The following SERPINA12 variants were observed in gnomAD, a reference collection of about 807,000 sequenced individuals.
SERPINA12 encodes the protein serpin family A member 12.
Under a neutral mutation model 25.9 loss-of-function variants are expected in SERPINA12, and 21 were observed. The observed-to-expected ratio is 0.81, with a 90% CI of 0.58 to 1.17. The LOEUF is 1.17. Ranked by LOEUF, SERPINA12 falls within the 50% of genes most tolerant of loss-of-function variation. SERPINA12 has a pLI of 0.00. For missense variants in SERPINA12, 562 were observed against 508.3 expected, an observed-to-expected ratio of 1.11 and a Z score of -1.02; for synonymous variants, 220 against 196.0, an observed-to-expected ratio of 1.12 and a Z score of -1.02.
chr14:94,500,197 G>A (rs1900655555), intron 1 of SERPINA12, among the ~76,000 whole-genome samples: 1 of 152,206 alleles, frequency 6.6e-6, no homozygotes, highest in African/African-American at 2.4e-5. Flanking sequence ...TCTTCAAGGA[G>A]TTTGTAGTAT....
At chr14:94,493,134 C>T (rs1159114610) in intron 3 of SERPINA12, among the ~76,000 whole-genome samples, 2 of 152,224 alleles carry the variant, frequency 1.3e-5, no homozygotes, top group Admixed American at 6.5e-5. Flanking sequence ...TCCACCTCTG[C>T]TCTCCCATAG....
intron 1 of SERPINA12, among the ~76,000 whole-genome samples, chr14:94,501,496 C>A (rs1286939030): frequency 6.6e-6 from 1 of 152,214 alleles, no homozygotes; most frequent in Non-Finnish European, 1.5e-5. Context: ...AATTCCAGGT[C>A]TGGATAGCGG....
chr14:94,497,625 A>G (rs1467002919), intron 2 of SERPINA12, 139 bp downstream of exon 2: 1 of 730,264 alleles, frequency 1.4e-6, no homozygotes. Flanking sequence ...ACCATTTTAC[A>G]GATAGGAAAA....
Position 94,494,919 on chromosome 14 carries a change from C to T in SERPINA12, c.905+1454G>A, listed in dbSNP as rs74077727. 1.8e-3 allele frequency among the ~76,000 whole-genome samples: 276 copies of T among 152,232 alleles called. 1 individual carries two copies. The highest frequency in any genetic ancestry group is 6.0e-3 in the African/African-American group (250 of 41,534). ...AGTGGCCAGACTCTGCCAACCCTTC[C>T]ACCTCCCTGGTTCCCAGTGGGAAGG... On this transcript the variant is annotated intron_variant, in intron 3 of 4. Transcript: ENST00000677451.
chr14:94,517,712 G>T (rs17825899), exon 1 of SERPINA12: 15,508 of 152,326 alleles, frequency 0.1, 995 homozygotes, highest in Middle Eastern at 0.21. Flanking sequence ...CTGGAGTAGA[G>T]CCTGCTCGGT....
At chr14:94,505,645 G>A (rs758094507) in intron 1 of SERPINA12, among the ~76,000 whole-genome samples, 12 of 152,184 alleles carry the variant, frequency 7.9e-5, no homozygotes, top group Non-Finnish European at 1.5e-4. Context: ...CTGTACATCT[G>A]GTTTGGGAGG....
chr14:94,500,910 G>GA, intron 1 of SERPINA12: 1 of 984,826 alleles, frequency 1.0e-6, no homozygotes, highest in Non-Finnish European at 1.2e-6. Context: ...CTACTAAGTA[G>GA]GCAGGAGTTC....
intron 1 of SERPINA12, among the ~76,000 whole-genome samples, chr14:94,500,252 A>G (rs1024335093): frequency 7.2e-5 from 11 of 152,202 alleles, no homozygotes; most frequent in African/African-American, 2.7e-4. Context: ...CTCCTTCAGC[A>G]TCCATTCTCC....
intron 1 of SERPINA12, among the ~76,000 whole-genome samples, chr14:94,501,895 G>A (rs1164708985): frequency 6.6e-6 from 1 of 152,082 alleles, no homozygotes; most frequent in Non-Finnish European, 1.5e-5. Flanking sequence ...TTGTCAGTTG[G>A]GTTAGATGCC....
intron 3 of SERPINA12, among the ~76,000 whole-genome samples, chr14:94,492,087 T>G (rs921350740): frequency 2.6e-5 from 4 of 151,908 alleles, no homozygotes; most frequent in Admixed American, 6.6e-5. Flanking sequence ...AGTGGAGAGC[T>G]GGAAGCCAAA....
chr14:94,514,115 C>A (rs1481703903), upstream of SERPINA12, among the ~76,000 whole-genome samples: 1 of 152,222 alleles, frequency 6.6e-6, no homozygotes, highest in Non-Finnish European at 1.5e-5. Context: ...TCGTGCAAAG[C>A]CCTGGGACAG....
chr14:94,491,044 C>T (rs1254759850), intron 3 of SERPINA12, among the ~76,000 whole-genome samples: 2 of 152,180 alleles, frequency 1.3e-5, no homozygotes, highest in South Asian at 2.1e-4. Flanking sequence ...ACAGGCCCAA[C>T]GACTCCCAAA....
intron 2 of SERPINA12, among the ~76,000 whole-genome samples, chr14:94,515,553 A>G (rs1160084466): frequency 6.6e-6 from 1 of 152,208 alleles, no homozygotes; most frequent in African/African-American, 2.4e-5. Context: ...CACAGACAGC[A>G]AATGCTGCTC....
intron 2 of SERPINA12, among the ~76,000 whole-genome samples, chr14:94,496,878 G>T (rs1467148160): frequency 6.6e-6 from 1 of 152,166 alleles, no homozygotes; most frequent in East Asian, 1.9e-4. Flanking sequence ...GAGGGGAAAA[G>T]AAGACTACCA....
chr14:94,500,312 G>T (rs990448183), intron 1 of SERPINA12, among the ~76,000 whole-genome samples: 1 of 151,616 alleles, frequency 6.6e-6, no homozygotes, highest in Non-Finnish European at 1.5e-5. Flanking sequence ...TCCCCTCCTC[G>T]CCTTCTTCTC....
At chr14:94,502,080 A>G (rs1900754748) in intron 1 of SERPINA12, among the ~76,000 whole-genome samples, 1 of 150,554 alleles carries the variant, frequency 6.6e-6, no homozygotes, top group African/African-American at 2.5e-5. Context: ...CTGTGACTCA[A>G]AATAAATAAA....
upstream of SERPINA12, chr14:94,511,772 A>C (rs1410206417): frequency 1.6e-5 from 15 of 959,816 alleles, no homozygotes; most frequent in Non-Finnish European, 1.9e-5. Flanking sequence ...TGTGGGGGAG[A>C]GAGAAATAAC....
At position 94,508,977 on chromosome 14, in the gene SERPINA12, G is replaced by A. The variant is rs970136562; in HGVS notation, c.-34+365C>T. ...TTTCATACCAACTTTGCAAGTTTGG[G>A]TGCTGCTAGACCCATTTTTACACAT... On this transcript the variant is annotated intron_variant, in intron 1 of 4. Transcript: ENST00000677451. Among the ~76,000 whole-genome samples the A allele has an allele frequency of 2.6e-5, 4 of 152,202 alleles. No homozygotes were observed. In the East Asian group the frequency reaches 7.7e-4, roughly 29 times the overall value.
intron 4 of SERPINA12, among the ~76,000 whole-genome samples, chr14:94,489,197 AAAAG>A (rs778175753): frequency 1.7e-4 from 26 of 149,522 alleles, no homozygotes; most frequent in Non-Finnish European, 3.4e-4. Flanking sequence ...CAGAGAAAGA[AAAAG>A]AAAGAAAGAG....
Sources: allele counts gnomAD v4.1 joint callset (sites outside exome capture counted in the v4.1 genomes callset), GRCh38; gene constraint gnomAD v4.1.1; transcripts MANE v1.5; gene names NCBI Gene and HGNC (gene_info 2026-07-23, HGNC 2026-07-21).